FAM110B: variants seen among roughly 807,000 people sequenced by gnomAD.
FAM110B encodes the protein family with sequence similarity 110 member B, also known as protein FAM110B.
Under a neutral mutation model 20.4 loss-of-function variants are expected in FAM110B, and 6 were observed. The ratio of observed to expected loss-of-function variants is 0.29; its 90% CI spans 0.16 to 0.58. The LOEUF (loss-of-function observed/expected upper bound fraction) is 0.58, where lower values mean the gene tolerates loss of function less well. Ranked by LOEUF, FAM110B falls within the 20% of genes least tolerant of loss-of-function variation. FAM110B has a pLI of 0.90. For synonymous variants in FAM110B, 226 were observed against 214.1 expected (o/e 1.06, Z -0.49); for missense variants, 434 against 498.2 (o/e 0.87, Z 1.23).
intron 3 of FAM110B, among the ~76,000 whole-genome samples, chr8:58,099,463 T>C (rs1222354378): frequency 6.6e-6 from 1 of 152,206 alleles, no homozygotes; most frequent in Non-Finnish European, 1.5e-5. Context: ...TTTATTATAG[T>C]TTAAAAATTA....
chr8:58,061,646 G>A (rs914837984), intron 2 of FAM110B, among the ~76,000 whole-genome samples: 10 of 152,228 alleles, frequency 6.6e-5, no homozygotes, highest in Admixed American at 6.5e-4. Flanking sequence ...AAAGTTTCCT[G>A]AAGGTGAATT....
chr8:58,090,246 G>A (rs1003266928), intron 3 of FAM110B, among the ~76,000 whole-genome samples: 2 of 152,142 alleles, frequency 1.3e-5, no homozygotes, highest in East Asian at 1.9e-4. Flanking sequence ...TGCAACCTCC[G>A]CCTCCCAGAT....
intron 2 of FAM110B, among the ~76,000 whole-genome samples, chr8:58,041,175 A>G (rs1201921476): frequency 6.6e-6 from 1 of 152,068 alleles, no homozygotes; most frequent in Non-Finnish European, 1.5e-5. Context: ...TCCTGACCTC[A>G]GATGATCCCC....
chr8:58,043,778 C>T (rs1222803723), intron 2 of FAM110B, among the ~76,000 whole-genome samples: 4 of 152,126 alleles, frequency 2.6e-5, no homozygotes, highest in Non-Finnish European at 5.9e-5. Context: ...CTCATTTAAT[C>T]CTCCTAACAG....
At chr8:58,046,278 A>G (rs961438680) in intron 2 of FAM110B, among the ~76,000 whole-genome samples, 2 of 152,214 alleles carry the variant, frequency 1.3e-5, no homozygotes, top group African/African-American at 4.8e-5. Flanking sequence ...CCATTACTAT[A>G]TATATTAATA....
chr8:58,080,902 G>T (rs1174659277), intron 3 of FAM110B, among the ~76,000 whole-genome samples: 1 of 152,054 alleles, frequency 6.6e-6, no homozygotes, highest in Non-Finnish European at 1.5e-5. Context: ...AGTCCTATGG[G>T]TCTAGTTCTC....
chr8:58,076,212 G>A (rs917188350), intron 3 of FAM110B, among the ~76,000 whole-genome samples: 4 of 152,108 alleles, frequency 2.6e-5, no homozygotes, highest in African/African-American at 7.2e-5. Context: ...CTTCCACCTC[G>A]CCGTTGCAAA....
intron 2 of FAM110B, among the ~76,000 whole-genome samples, chr8:58,043,699 A>G (rs946076812): frequency 3.3e-5 from 5 of 152,130 alleles, no homozygotes; most frequent in Admixed American, 6.5e-5. Context: ...AATAGAACCA[A>G]TACGAAATCC....
chr8:58,097,747 G>A (rs771350337), intron 3 of FAM110B, among the ~76,000 whole-genome samples: 1 of 152,170 alleles, frequency 6.6e-6, no homozygotes, highest in Non-Finnish European at 1.5e-5. Flanking sequence ...TGTCCTTTTT[G>A]TTGATGTTGA....
At chr8:58,063,470 A>ATTT (rs1805697235) in intron 2 of FAM110B, among the ~76,000 whole-genome samples, 1 of 80,716 alleles carries the variant, frequency 1.2e-5, no homozygotes, top group African/African-American at 1.2e-4. Context: ...CTCATACATC[A>ATTT]TTTGAAATGC....
At chr8:58,063,086 T>C (rs1472716985) in intron 2 of FAM110B, among the ~76,000 whole-genome samples, 7 of 152,180 alleles carry the variant, frequency 4.6e-5, no homozygotes. Context: ...TGCTACTTAC[T>C]AGCTGGTTAA....
At chr8:58,122,660 G>A (rs1246341578) in intron 3 of FAM110B, among the ~76,000 whole-genome samples, 1 of 151,754 alleles carries the variant, frequency 6.6e-6, no homozygotes, top group Admixed American at 6.6e-5. Flanking sequence ...TTTATTTTAG[G>A]GCTGCACTAA....
In FAM110B at chr8:58,146,945, C is replaced by A. The variant is rs1803882209; in HGVS notation, c.715C>A (p.Pro239Thr). ...KIAAIASMKS[P>T]EADPVEPACG... ...CGCAGCCATCGCCTCCATGAAGTCC[C>A]CCGAGGCCGACCCTGTGGAACCAGC... The change falls in exon 4 of 4, where the codon CCC (proline) becomes ACC (threonine). Residue 239 changes from proline (P) to threonine (T), a missense_variant. Pro to Thr is a conservative substitution (Grantham distance 38). Coordinates refer to ENST00000519262, the MANE Select transcript of FAM110B (RefSeq NM_001377989.1). The A allele has an allele frequency of 6.2e-7, 1 of 1,614,240 alleles. No individual in the cohort carries two copies. The highest frequency in any genetic ancestry group is 1.1e-5 in the South Asian group (1 of 91,080).
chr8:58,011,795 G>A (rs1226655769), intron 1 of FAM110B, among the ~76,000 whole-genome samples: 1 of 152,196 alleles, frequency 6.6e-6, no homozygotes, highest in Non-Finnish European at 1.5e-5. Context: ...ATTATTTCAA[G>A]GATTTAGGTA....
intron 3 of FAM110B, among the ~76,000 whole-genome samples, chr8:58,138,515 G>C (rs2150640611): frequency 6.6e-6 from 1 of 152,326 alleles, no homozygotes; most frequent in East Asian, 1.9e-4. Context: ...AGGGGCCTGT[G>C]TTGGGCTTTT....
At chr8:58,103,238 T>C (rs1442082209) in intron 3 of FAM110B, among the ~76,000 whole-genome samples, 3 of 151,992 alleles carry the variant, frequency 2.0e-5, no homozygotes, top group Non-Finnish European at 2.9e-5. Flanking sequence ...TAGTTACATA[T>C]GTATACATGT....
intron 1 of FAM110B, among the ~76,000 whole-genome samples, chr8:58,021,359 T>TAATA (rs1330440334): frequency 2.0e-5 from 3 of 152,110 alleles, no homozygotes; most frequent in African/African-American, 7.2e-5. Flanking sequence ...GTAAAAAAAT[T>TAATA]AATAAATAAA....
chr8:58,110,496 A>G (rs1264712825), intron 3 of FAM110B, among the ~76,000 whole-genome samples: 1 of 152,222 alleles, frequency 6.6e-6, no homozygotes, highest in African/African-American at 2.4e-5. Context: ...AAAATAAAAT[A>G]TTCCACTGAT....
intron 3 of FAM110B, among the ~76,000 whole-genome samples, chr8:58,121,942 C>A (rs962199657): frequency 3.9e-5 from 6 of 152,204 alleles, no homozygotes; most frequent in African/African-American, 1.4e-4. Flanking sequence ...GGAATCCCCT[C>A]TTTTCTTGGA....
Sources: allele counts gnomAD v4.1 joint callset (sites outside exome capture counted in the v4.1 genomes callset), GRCh38; gene constraint gnomAD v4.1.1; transcripts MANE v1.5; gene names NCBI Gene and HGNC (gene_info 2026-07-23, HGNC 2026-07-21).